The following RBM33 variants were observed in gnomAD, a reference collection of about 807,000 sequenced individuals.
RBM33 encodes RNA-binding protein 33.
RBM33 carries 28 observed loss-of-function variants against 132.6 expected under a neutral mutation model. The observed-to-expected ratio is 0.21, with a 90% CI of 0.16 to 0.29. The LOEUF (loss-of-function observed/expected upper bound fraction) is 0.29, where lower values mean the gene tolerates loss of function less well. Among genes scored for constraint, RBM33 ranks in the 10% least tolerant of loss-of-function variants. The pLI is 1.00. For synonymous variants in RBM33, 634 were observed against 593.0 expected (o/e 1.07, Z -1.01); for missense variants, 1,291 against 1,518.5 (o/e 0.85, Z 2.49).
rs1394161848 is a variant in RBM33 at position 155,781,304 on chromosome 7, T to C, written c.*6263T>C. ...TTGCCTGTTCCACCCCTTTGTTCAC[T>C]TCGCGTTAACTGCTGTGGTAACTTT... is the stretch of plus-strand genomic sequence containing the variant. On this transcript the variant is annotated 3_prime_UTR_variant, in exon 18 of 18. Coordinates refer to ENST00000401878, the MANE Select transcript of RBM33 (RefSeq NM_053043.3). 2 of 152,308 alleles carry C rather than the reference T, an allele frequency of 1.3e-5. No individual in the cohort carries two copies. The highest frequency in any genetic ancestry group is 4.8e-5 in the African/African-American group (2 of 41,470). The allele number at this position is 152,308 out of a possible 1,614,324, so 9.4% of individuals were successfully genotyped here. A position where few individuals can be genotyped will look rare whatever the true frequency, so the allele number is the denominator to read the frequency against.
At chr7:155,712,805 G>A (rs1404158995) in intron 8 of RBM33, among the ~76,000 whole-genome samples, 1 of 152,252 alleles carries the variant, frequency 6.6e-6, no homozygotes, top group African/African-American at 2.4e-5. Context: ...GTGGGGCCGT[G>A]GGGCCATCCA....
In RBM33 at chr7:155,766,567, A is replaced by G. The variant is rs1802226444; in HGVS notation, c.3287A>G (p.Gln1096Arg). 6.2e-7 allele frequency: 1 copy of G among 1,613,450 alleles called. No homozygotes were observed. The highest frequency in any genetic ancestry group is 8.5e-7 in the Non-Finnish European group (1 of 1,179,726). Reference sequence around the variant, plus strand: ...CTGCGGGTGGTGGAGTGCAAGCCCCAGCCCTGCGTGGTGTCTGTGGAGGGG... The same window carrying G: ...CTGCGGGTGGTGGAGTGCAAGCCCCGGCCCTGCGTGGTGTCTGTGGAGGGG... ...QNLRVVECKP[Q>R]PCVVSVEGLS... The change falls in exon 16 of 18, where the codon CAG (glutamine) becomes CGG (arginine). Residue 1096 changes from glutamine (Q) to arginine (R), a missense_variant. Gln to Arg is a conservative substitution (Grantham distance 43, BLOSUM62 1). Coordinates refer to ENST00000401878, the MANE Select transcript of RBM33 (RefSeq NM_053043.3).
In RBM33 at chr7:155,766,649, C is replaced by T; in HGVS notation, c.3369C>T (p.Pro1123=). 1 of 1,610,208 alleles carries T rather than the reference C, an allele frequency of 6.2e-7. No homozygotes were observed. Residue 1123 remains proline (P), a synonymous_variant, in exon 16 of 18, where the codon CCC becomes CCT. Transcript: ENST00000401878. ...QLKSLLMSVG[P]IQSLQMLPQQ... ...AGAGCCTGCTGATGTCAGTGGGACC[C>T]ATTCAGGTAGCCGCCTGGGGGTGGC...
At position 155,748,451 on chromosome 7, in the gene RBM33, A is replaced by C. The variant is rs887234298; in HGVS notation, c.2979+2849A>C. Reference sequence around the variant, plus strand: ...GAAATATGTGTCCACAGGATTGTTCACATGTTTATGAAAGCACAGTTTTCT... The same window carrying C: ...GAAATATGTGTCCACAGGATTGTTCCCATGTTTATGAAAGCACAGTTTTCT... On this transcript the variant is annotated intron_variant, in intron 14 of 17. Transcript: ENST00000401878. Among the ~76,000 whole-genome samples, 26 of 152,316 alleles carry C rather than the reference A, an allele frequency of 1.7e-4. 1 individual carries two copies. The highest frequency in any genetic ancestry group is 5.3e-4 in the African/African-American group (22 of 41,570).
At chr7:155,753,264 C>T (rs1801740530) in intron 14 of RBM33, among the ~76,000 whole-genome samples, 1 of 152,212 alleles carries the variant, frequency 6.6e-6, no homozygotes, top group African/African-American at 2.4e-5. Flanking sequence ...TTATTATTGC[C>T]TCCTGAAAGT....
At chr7:155,719,332 C>T (rs1360771446) in intron 9 of RBM33, among the ~76,000 whole-genome samples, 2 of 152,042 alleles carry the variant, frequency 1.3e-5, no homozygotes, top group Non-Finnish European at 2.9e-5. Flanking sequence ...TTTGGTACTT[C>T]AGTAGATAAC....
At chr7:155,769,368 C>T (rs1198158529) in intron 16 of RBM33, among the ~76,000 whole-genome samples, 1 of 152,178 alleles carries the variant, frequency 6.6e-6, no homozygotes, top group Non-Finnish European at 1.5e-5. Context: ...CGCACAGCCT[C>T]CCTGGCTGGG....
At chr7:155,773,610 C>T (rs1204579925) in intron 16 of RBM33, among the ~76,000 whole-genome samples, 1 of 147,602 alleles carries the variant, frequency 6.8e-6, no homozygotes, top group East Asian at 2.0e-4. Context: ...TCAGGGGCTC[C>T]TGTGCGTGCT....
intron 5 of RBM33, among the ~76,000 whole-genome samples, chr7:155,684,490 T>C (rs1223424145): frequency 6.6e-6 from 1 of 152,210 alleles, no homozygotes; most frequent in Non-Finnish European, 1.5e-5. Context: ...AGAAACATAC[T>C]AATCACGATT....
chr7:155,747,503 C>G (rs1801555988), intron 14 of RBM33, among the ~76,000 whole-genome samples: 1 of 152,220 alleles, frequency 6.6e-6, no homozygotes, highest in African/African-American at 2.4e-5. Context: ...TTTCTACCAT[C>G]AAAGAGCAGC....
At position 155,706,990 on chromosome 7, in the gene RBM33, C is replaced by T. The variant is rs766994075; in HGVS notation, c.870C>T (p.Asp290=). The change falls in exon 7 of 18, where the codon GAC becomes GAT. Residue 290 remains aspartate, a synonymous_variant. Coordinates refer to ENST00000401878, the MANE Select transcript of RBM33 (RefSeq NM_053043.3). ...GGPLMCRGVG[D]QRRESTERGR... ...CGCTGATGTGTCGTGGTGTGGGGGA[C>T]CAGAGGAGAGAGAGCACCGAGAGGG... The T allele has an allele frequency of 8.2e-6, 13 of 1,592,334 alleles. No individual in the cohort carries two copies. Among genetic ancestry groups the T allele is most frequent in the Non-Finnish European group, 1.0e-5 (12 of 1,169,524 alleles).
At chr7:155,675,407 T>C (rs2116914960) in intron 3 of RBM33, among the ~76,000 whole-genome samples, 1 of 152,288 alleles carries the variant, frequency 6.6e-6, no homozygotes, top group East Asian at 1.9e-4. Context: ...TAAAATATTT[T>C]ATAATGGCAA....
Position 155,738,381 on chromosome 7 carries a change from C to T in RBM33, c.1715C>T (p.Thr572Ile). Residue 572 changes from threonine (T) to isoleucine (I), a missense_variant, in exon 11 of 18, where the codon ACA becomes ATA. Transcript: ENST00000401878. ...GGCCCAGGACAGCCGTTTCTGCCCA[C>T]ACACACACAGCCCAACCTGCAGGTA... ...LPGPGQPFLP[T>I]HTQPNLQGPL... The T allele has an allele frequency of 6.2e-7, 1 of 1,613,580 alleles. No individual in the cohort carries two copies. Among genetic ancestry groups the T allele is most frequent in the Non-Finnish European group, 8.5e-7 (1 of 1,179,618 alleles).
intron 8 of RBM33, among the ~76,000 whole-genome samples, chr7:155,712,326 A>G (rs75563076): frequency 0.057 from 8,692 of 152,280 alleles, 244 homozygotes; most frequent in African/African-American, 0.079. Flanking sequence ...GTTTATACGA[A>G]GCTTTAACTT....
intron 3 of RBM33, among the ~76,000 whole-genome samples, chr7:155,678,147 T>A (rs1387735669): frequency 2.3e-5 from 2 of 85,980 alleles, no homozygotes; most frequent in Non-Finnish European, 6.2e-5. Context: ...CAAAGTTTTA[T>A]AGTCTCATTT....
chr7:155,746,908 A>C lies in RBM33; in HGVS notation c.2979+1306A>C, dbSNP rs1235240093. On this transcript the variant is annotated intron_variant, in intron 14 of 17. Coordinates refer to ENST00000401878, the MANE Select transcript of RBM33 (RefSeq NM_053043.3). ...GAAAATAACTTATCTCTTTTAGTCC[A>C]TTTCAGGATGGTAGGACATGTGATC... Among the ~76,000 whole-genome samples, 6 of 152,224 alleles carry C rather than the reference A, an allele frequency of 3.9e-5. No homozygotes were observed. In the South Asian group the frequency reaches 6.2e-4, roughly 16 times the overall value.
chr7:155,673,798 A>ACCCCCCCCC (rs1554469982), intron 3 of RBM33, among the ~76,000 whole-genome samples: 1 of 144,002 alleles, frequency 6.9e-6, no homozygotes, highest in African/African-American at 2.8e-5. Context: ...ACACACACAC[A>ACCCCCCCCC]CACCCCTACC....
At chr7:155,772,334 A>AGGGG (rs1365504452) in intron 16 of RBM33, among the ~76,000 whole-genome samples, 2 of 151,958 alleles carry the variant, frequency 1.3e-5, no homozygotes, top group African/African-American at 4.8e-5. Context: ...AGTGACACTC[A>AGGGG]CTCCACACAG....
At chr7:155,703,506 C>T (rs1422067364) in intron 6 of RBM33, among the ~76,000 whole-genome samples, 22 of 152,112 alleles carry the variant, frequency 1.4e-4, no homozygotes, top group Admixed American at 1.3e-3. Flanking sequence ...GCAGGTGAAA[C>T]CATAGTTAAA....
Sources: gnomAD v4.1 joint callset for allele counts (sites outside exome capture counted in the v4.1 genomes callset) on GRCh38, gnomAD v4.1.1 for gene constraint, MANE v1.5 for transcripts, NCBI Gene and HGNC (gene_info 2026-07-23, HGNC 2026-07-21) for gene names.